SORCS3: variants seen among roughly 807,000 people sequenced by gnomAD.
SORCS3 encodes sortilin related VPS10 domain containing receptor 3.
Under a neutral mutation model 146.3 loss-of-function variants are expected in SORCS3, and 57 were observed. The observed-to-expected ratio is 0.39, with a 90% CI of 0.31 to 0.49. The LOEUF (loss-of-function observed/expected upper bound fraction) is 0.49, where lower values mean the gene tolerates loss of function less well. SORCS3 is among the 20% of genes least tolerant of loss of function. SORCS3 has a pLI of 0.92. For synonymous variants in SORCS3, 653 were observed against 618.5 expected (o/e 1.06, Z -0.83); for missense variants, 1,341 against 1,575.5 (o/e 0.85, Z 2.52).
chr10:104,684,833 T>A (rs867685028), intron 1 of SORCS3, among the ~76,000 whole-genome samples: 5 of 79,694 alleles, frequency 6.3e-5, no homozygotes, highest in African/African-American at 1.0e-4. Flanking sequence ...TTTTTTTTTT[T>A]ATGAGACACA....
chr10:104,821,097 G>A (rs777559943), intron 1 of SORCS3, among the ~76,000 whole-genome samples: 3 of 152,240 alleles, frequency 2.0e-5, no homozygotes, highest in Middle Eastern at 3.4e-3. Flanking sequence ...TTTGTACTCC[G>A]GCTTGTGCAT....
At chr10:104,864,789 G>A (rs1331317248) in intron 2 of SORCS3, among the ~76,000 whole-genome samples, 2 of 152,164 alleles carry the variant, frequency 1.3e-5, no homozygotes, top group Non-Finnish European at 2.9e-5. Flanking sequence ...ATCACCAAAG[G>A]CAAACTGGTG....
chr10:105,190,910 C>G (rs890750625), intron 14 of SORCS3, among the ~76,000 whole-genome samples: 1 of 152,132 alleles, frequency 6.6e-6, no homozygotes, highest in East Asian at 1.9e-4. Flanking sequence ...TAATTTATAG[C>G]AATCACTATA....
intron 2 of SORCS3, among the ~76,000 whole-genome samples, chr10:104,899,291 A>G (rs549101409): frequency 6.6e-6 from 1 of 152,330 alleles, no homozygotes; most frequent in South Asian, 2.1e-4. Flanking sequence ...ACAGACTCAC[A>G]CACATCCTTT....
chr10:105,215,996 G>A (rs900193563), intron 18 of SORCS3, among the ~76,000 whole-genome samples: 1 of 131,046 alleles, frequency 7.6e-6, no homozygotes, highest in Non-Finnish European at 1.6e-5. Context: ...GGGGGGTGGG[G>A]ACCAAGAAGA....
chr10:104,834,735 G>C (rs1019451630), intron 1 of SORCS3, among the ~76,000 whole-genome samples: 7 of 151,152 alleles, frequency 4.6e-5, no homozygotes, highest in Admixed American at 4.6e-4. Context: ...TTATCTTAGA[G>C]GGGGCAAAGA....
At chr10:105,084,881 C>A (rs2055649437) in intron 5 of SORCS3, among the ~76,000 whole-genome samples, 2 of 152,092 alleles carry the variant, frequency 1.3e-5, no homozygotes, top group African/African-American at 4.8e-5. Context: ...CAGGCGCCCA[C>A]CACCATGCCT....
chr10:105,134,461 T>C (rs1467312931), intron 7 of SORCS3, among the ~76,000 whole-genome samples: 1 of 151,820 alleles, frequency 6.6e-6, no homozygotes, highest in African/African-American at 2.4e-5. Flanking sequence ...GGCACCAGCA[T>C]GTTAGATATC....
chr10:105,142,599 C>T (rs1346619006), intron 8 of SORCS3, among the ~76,000 whole-genome samples: 2 of 152,164 alleles, frequency 1.3e-5, no homozygotes, highest in Admixed American at 6.5e-5. Flanking sequence ...AACAGCCCCC[C>T]TTAACAGCCC....
At chr10:105,131,079 G>A (rs546481831) in intron 7 of SORCS3, among the ~76,000 whole-genome samples, 36 of 152,086 alleles carry the variant, frequency 2.4e-4, no homozygotes, top group Non-Finnish European at 4.1e-4. Flanking sequence ...GACTCCTATG[G>A]TCCAATATTT....
rs1192945148 is a variant in SORCS3 at position 104,974,623 on chromosome 10, T to C, written c.796-2712T>C. Among the ~76,000 whole-genome samples, 6 of 152,158 alleles carry C rather than the reference T, an allele frequency of 3.9e-5. No individual in the cohort carries two copies. In the East Asian group the frequency reaches 5.8e-4, roughly 15 times the overall value. On this transcript the variant is annotated intron_variant, in intron 3 of 26. Transcript: ENST00000369701. ...TGAGATGGGTTTCTTGAATACAGCA[T>C]ACTGATGGGTCTTGACTCTTTATCC...
intron 2 of SORCS3, among the ~76,000 whole-genome samples, chr10:104,846,567 C>T (rs1034465946): frequency 2.0e-5 from 3 of 152,182 alleles, no homozygotes; most frequent in Non-Finnish European, 4.4e-5. Flanking sequence ...ATCTGCCTTA[C>T]TGGATTAATA....
At position 104,915,871 on chromosome 10, in the gene SORCS3, A is replaced by G; in HGVS notation, c.734A>G (p.Asp245Gly). The change falls in exon 3 of 27, where the codon GAC becomes GGC. Residue 245 changes from aspartate (D) to glycine (G), a missense_variant. Asp to Gly is a moderately conservative substitution (Grantham distance 94). Transcript: ENST00000369701. ...GGCACCACCTATGAAAAGCTGAATGACAAAGTGGGTTTGAAGACTGTCCTC... is the reference window on the plus strand; with the variant it reads ...GGCACCACCTATGAAAAGCTGAATGGCAAAGTGGGTTTGAAGACTGTCCTC... ...DYGTTYEKLN[D>G]KVGLKTVLSY... 6.2e-7 allele frequency: 1 copy of G among 1,614,112 alleles called. No homozygotes were observed. The highest frequency in any genetic ancestry group is 8.5e-7 in the Non-Finnish European group (1 of 1,180,002).
At chr10:104,984,993 G>C (rs936354222) in intron 4 of SORCS3, among the ~76,000 whole-genome samples, 1 of 152,110 alleles carries the variant, frequency 6.6e-6, no homozygotes, top group Admixed American at 6.6e-5. Flanking sequence ...CCTAAGGGTG[G>C]TGGTTGCTGA....
intron 3 of SORCS3, among the ~76,000 whole-genome samples, chr10:104,918,944 C>T (rs767466155): frequency 6.6e-5 from 10 of 152,112 alleles, no homozygotes; most frequent in Non-Finnish European, 1.2e-4. Flanking sequence ...GTTTCCTCTT[C>T]GAAAATATCA....
intron 2 of SORCS3, among the ~76,000 whole-genome samples, chr10:104,853,293 C>T (rs952774093): frequency 5.3e-5 from 8 of 152,182 alleles, no homozygotes; most frequent in East Asian, 1.9e-4. Flanking sequence ...AATGAGACTG[C>T]GTCTCAAAAA....
chr10:105,101,262 G>T (rs1198267063), intron 6 of SORCS3, among the ~76,000 whole-genome samples: 1 of 152,166 alleles, frequency 6.6e-6, no homozygotes. Flanking sequence ...CATATGTGAG[G>T]TTTGAACGAA....
At chr10:104,737,606 G>A (rs1266712088) in intron 1 of SORCS3, among the ~76,000 whole-genome samples, 9 of 152,134 alleles carry the variant, frequency 5.9e-5, no homozygotes, top group Non-Finnish European at 1.0e-4. Flanking sequence ...CATATCCTTT[G>A]CCCACTTTTT....
intron 19 of SORCS3, 58 bp downstream of exon 19, chr10:105,217,180 T>C: frequency 6.4e-7 from 1 of 1,566,388 alleles, no homozygotes; most frequent in Non-Finnish European, 8.8e-7. Context: ...ACTTGCTCTG[T>C]TCAGACTTCC....
Sources: gnomAD v4.1 joint callset for allele counts (sites outside exome capture counted in the v4.1 genomes callset) on GRCh38, gnomAD v4.1.1 for gene constraint, MANE v1.5 for transcripts, NCBI Gene and HGNC (gene_info 2026-07-23, HGNC 2026-07-21) for gene names.